Variants in HMGCLL1 observed in about 807,000 individuals in gnomAD.
HMGCLL1 encodes the protein 3-hydroxy-3-methylglutaryl-CoA lyase like 1.
A neutral mutation model predicts 39.1 loss-of-function variants in HMGCLL1; 36 were observed. That is an observed-to-expected ratio of 0.92 (90% CI 0.71 to 1.22). HMGCLL1 has a LOEUF of 1.22. HMGCLL1 is among the 50% of genes most tolerant of loss of function. The pLI, the probability that HMGCLL1 is intolerant of heterozygous loss-of-function variation, is 0.00. For missense variants in HMGCLL1, 451 were observed against 416.5 expected, an observed-to-expected ratio of 1.08 and a Z score of -0.72; for synonymous variants, 149 against 144.0, an observed-to-expected ratio of 1.03 and a Z score of -0.25.
intron 7 of HMGCLL1, among the ~76,000 whole-genome samples, chr6:55,482,181 A>G (rs1765786216): frequency 2.0e-5 from 3 of 152,286 alleles, no homozygotes; most frequent in Non-Finnish European, 2.9e-5. Context: ...CACTTTGGCA[A>G]ACATTAATAT....
the HMGCLL1 span, among the ~76,000 whole-genome samples, chr6:55,591,892 T>C: frequency 1.3e-5 from 2 of 152,036 alleles, no homozygotes; most frequent in Non-Finnish European, 2.9e-5. Context: ...ACTGGTATTA[T>C]TCAATGACCT....
chr6:55,509,667 G>A (rs1389067365), intron 5 of HMGCLL1, among the ~76,000 whole-genome samples: 2 of 151,736 alleles, frequency 1.3e-5, no homozygotes, highest in Non-Finnish European at 2.9e-5. Flanking sequence ...CCATTTCAAA[G>A]GATGAGAATT....
At chr6:55,516,215 ATTAC>A (rs1767727740) in intron 4 of HMGCLL1, among the ~76,000 whole-genome samples, 1 of 152,142 alleles carries the variant, frequency 6.6e-6, no homozygotes, top group African/African-American at 2.4e-5. Flanking sequence ...AGTATTCTAT[ATTAC>A]TTATTTAAGA....
At chr6:55,529,331 T>C (rs556477513) in intron 3 of HMGCLL1, among the ~76,000 whole-genome samples, 1 of 152,226 alleles carries the variant, frequency 6.6e-6, no homozygotes, top group Non-Finnish European at 1.5e-5. Flanking sequence ...AAATACTGTA[T>C]CTAATTGTAG....
the HMGCLL1 span, among the ~76,000 whole-genome samples, chr6:55,589,280 A>G: frequency 7.2e-5 from 11 of 152,340 alleles, no homozygotes; most frequent in East Asian, 1.9e-3. Flanking sequence ...AATCCAGCAT[A>G]TAAACAGAAC....
At chr6:55,653,442 G>GA in the HMGCLL1 span, among the ~76,000 whole-genome samples, 1 of 151,840 alleles carries the variant, frequency 6.6e-6, no homozygotes, top group East Asian at 1.9e-4. Flanking sequence ...AGATCTTAGA[G>GA]AAAAAATACA....
At chr6:55,449,178 A>G (rs1217860485) in intron 7 of HMGCLL1, among the ~76,000 whole-genome samples, 2 of 152,198 alleles carry the variant, frequency 1.3e-5, no homozygotes, top group African/African-American at 2.4e-5. Flanking sequence ...CTAGTTTATT[A>G]CCAAAAATCT....
At chr6:55,493,999 A>T (rs1438950538) in intron 7 of HMGCLL1, among the ~76,000 whole-genome samples, 1 of 151,884 alleles carries the variant, frequency 6.6e-6, no homozygotes, top group African/African-American at 2.4e-5. Flanking sequence ...CAGCCTCCCA[A>T]AGTGCTGGGA....
intron 3 of HMGCLL1, among the ~76,000 whole-genome samples, chr6:55,523,582 C>T (rs1283169435): frequency 6.6e-6 from 1 of 151,852 alleles, no homozygotes; most frequent in African/African-American, 2.4e-5. Context: ...ATTGGGAGAG[C>T]TCACAATTGC....
chr6:55,474,665 T>C (rs1475002812), intron 7 of HMGCLL1, among the ~76,000 whole-genome samples: 1 of 151,548 alleles, frequency 6.6e-6, no homozygotes, highest in Non-Finnish European at 1.5e-5. Flanking sequence ...TATTTTTTAT[T>C]GGCTTTTCAT....
chr6:55,536,282 T>C (rs923893906), intron 3 of HMGCLL1, among the ~76,000 whole-genome samples: 2 of 152,200 alleles, frequency 1.3e-5, no homozygotes, highest in East Asian at 3.8e-4. Flanking sequence ...TTCCAACAGT[T>C]AAAAAATAGC....
chr6:55,639,504 C>T, the HMGCLL1 span, among the ~76,000 whole-genome samples: 8 of 151,428 alleles, frequency 5.3e-5, no homozygotes, highest in Non-Finnish European at 1.2e-4. Context: ...AGAAGACAGG[C>T]ATATTTATTT....
chr6:55,650,104 T>TATATACACACATATAC, the HMGCLL1 span, among the ~76,000 whole-genome samples: 2 of 68,740 alleles, frequency 2.9e-5, no homozygotes, highest in African/African-American at 1.2e-4. Flanking sequence ...TATATATATA[T>TATATACACACATATAC]ATATATATAT....
At chr6:55,630,047 C>T in the HMGCLL1 span, among the ~76,000 whole-genome samples, 1 of 152,140 alleles carries the variant, frequency 6.6e-6, no homozygotes, top group Non-Finnish European at 1.5e-5. Flanking sequence ...GCAACTGTCC[C>T]CCAGACCACA....
intron 1 of HMGCLL1, among the ~76,000 whole-genome samples, chr6:55,578,147 C>A (rs943987888): frequency 6.6e-6 from 1 of 152,140 alleles, no homozygotes; most frequent in Non-Finnish European, 1.5e-5. Flanking sequence ...TATCCAGCAC[C>A]TGTAATTTAA....
intron 7 of HMGCLL1, among the ~76,000 whole-genome samples, chr6:55,461,588 A>C: frequency 6.6e-6 from 1 of 152,114 alleles, no homozygotes; most frequent in East Asian, 1.9e-4. Flanking sequence ...TAGTAAATGT[A>C]CCGGCTATAA....
intron 7 of HMGCLL1, among the ~76,000 whole-genome samples, chr6:55,487,335 T>C (rs918318346): frequency 6.6e-6 from 1 of 152,118 alleles, no homozygotes; most frequent in African/African-American, 2.4e-5. Flanking sequence ...CTGGGATACA[T>C]GTGCAGAATG....
At chr6:55,553,817 G>T (rs1295337507) in intron 1 of HMGCLL1, among the ~76,000 whole-genome samples, 1 of 152,058 alleles carries the variant, frequency 6.6e-6, no homozygotes, top group African/African-American at 2.4e-5. Flanking sequence ...GCAATGAAAG[G>T]AATCATTGTT....
At chr6:55,663,524 T>C in the HMGCLL1 span, among the ~76,000 whole-genome samples, 1 of 151,644 alleles carries the variant, frequency 6.6e-6, no homozygotes, top group Non-Finnish European at 1.5e-5. Flanking sequence ...TTGATTTCTG[T>C]TTTTATCGCT....
Sources: allele counts gnomAD v4.1 joint callset (sites outside exome capture counted in the v4.1 genomes callset), GRCh38; gene constraint gnomAD v4.1.1; transcripts MANE v1.5; gene names NCBI Gene and HGNC (gene_info 2026-07-23, HGNC 2026-07-21).